The following ITPR1 variants were observed in gnomAD, a reference collection of about 807,000 sequenced individuals.
ITPR1 encodes inositol 1,4,5-trisphosphate receptor type 1, also known as inositol 1,4,5-trisphosphate-gated calcium channel ITPR1.
A neutral mutation model predicts 318.4 loss-of-function variants in ITPR1; 96 were observed. The observed-to-expected ratio is 0.30, with a 90% CI of 0.26 to 0.36. The LOEUF (loss-of-function observed/expected upper bound fraction) is 0.36. Ranked by LOEUF, ITPR1 falls within the 10% of genes least tolerant of loss-of-function variation. The probability of loss-of-function intolerance (pLI) is 1.00; values close to 1 mark genes in which losing one functional copy is unlikely to be tolerated. For missense variants in ITPR1, 2,440 were observed against 3,460.2 expected, an observed-to-expected ratio of 0.71 and a Z score of 7.40; for synonymous variants, 1,312 against 1,289.9, an observed-to-expected ratio of 1.02 and a Z score of -0.37.
chr3:4,836,250 C>CG (rs1271793151), intron 60 of ITPR1, among the ~76,000 whole-genome samples: 4 of 151,664 alleles, frequency 2.6e-5, no homozygotes, highest in Non-Finnish European at 4.4e-5. Context: ...TGCCCGGGGC[C>CG]GGCGGGAATG....
chr3:4,698,278 A>G (rs1341749567), intron 34 of ITPR1, among the ~76,000 whole-genome samples: 1 of 114,026 alleles, frequency 8.8e-6, no homozygotes, highest in African/African-American at 3.5e-5. Context: ...GCTTGACTGT[A>G]TGATTACTAG....
In ITPR1 at chr3:4,846,065, A is replaced by AATC. The variant is rs1011848877; in HGVS notation, c.8191-73_8191-71dup. 11 of 830,792 alleles carry AATC rather than the reference A, an allele frequency of 1.3e-5. No homozygotes were observed. The African/African-American group carries it at 1.9e-4, about 14-fold the overall frequency. 51.5% of individuals were successfully genotyped at this position (830,792 alleles called of 1,614,324 possible). A position where few individuals can be genotyped will look rare whatever the true frequency, so the allele number is the denominator to read the frequency against. On this transcript the variant is annotated intron_variant, in intron 61 of 61. Coordinates refer to ENST00000649015, the MANE Select transcript of ITPR1 (RefSeq NM_001378452.1). ...AGTATAAACCATAACCACAGAGGTA[A>AATC]ATCTATGGTTCAGTATGCGATTTGA... is the stretch of plus-strand genomic sequence containing the variant.
chr3:4,501,908 C>A (rs2081051102), intron 2 of ITPR1, among the ~76,000 whole-genome samples: 2 of 152,154 alleles, frequency 1.3e-5, no homozygotes, highest in Admixed American at 1.3e-4. Flanking sequence ...GTCCCATCAG[C>A]AGAACTTCTG....
At chr3:4,496,448 G>A (rs922509288) in intron 2 of ITPR1, among the ~76,000 whole-genome samples, 2 of 152,184 alleles carry the variant, frequency 1.3e-5, no homozygotes, top group African/African-American at 4.8e-5. Flanking sequence ...CATGTTCTAA[G>A]TGAATTACTC....
chr3:4,503,379 G>C (rs2081170729), intron 2 of ITPR1, among the ~76,000 whole-genome samples: 2 of 152,112 alleles, frequency 1.3e-5, no homozygotes, highest in African/African-American at 4.8e-5. Context: ...GAACATCTGT[G>C]CATCTGTTTC....
intron 46 of ITPR1, among the ~76,000 whole-genome samples, chr3:4,774,068 A>G (rs1169642607): frequency 6.6e-6 from 1 of 152,180 alleles, no homozygotes; most frequent in Admixed American, 6.5e-5. Context: ...TCCATAGAGA[A>G]TTGGTTGTTG....
chr3:4,740,650 C>T (rs2043633291), intron 44 of ITPR1, among the ~76,000 whole-genome samples: 1 of 152,172 alleles, frequency 6.6e-6, no homozygotes, highest in Non-Finnish European at 1.5e-5. Context: ...CCCCAGGTCT[C>T]CCAGCATCTT....
At chr3:4,693,281 G>T (rs1368022572) in intron 32 of ITPR1, among the ~76,000 whole-genome samples, 1 of 152,224 alleles carries the variant, frequency 6.6e-6, no homozygotes, top group Non-Finnish European at 1.5e-5. Flanking sequence ...TCTAGGGCCA[G>T]TGTGGTATTT....
chr3:4,657,389 T>TTG (rs1169290995), intron 12 of ITPR1, among the ~76,000 whole-genome samples: 1 of 151,330 alleles, frequency 6.6e-6, no homozygotes, highest in Admixed American at 6.6e-5. Flanking sequence ...ACCTAGAGTT[T>TTG]TTTTTTTGTT....
chr3:4,788,004 G>A lies in ITPR1; in HGVS notation c.6673G>A (p.Glu2225Lys). The A allele has an allele frequency of 6.2e-7, 1 of 1,612,908 alleles. No individual in the cohort carries two copies. Among genetic ancestry groups the A allele is most frequent in the East Asian group, 2.2e-5 (1 of 44,872 alleles). Residue 2225 changes from glutamate (E) to lysine (K), a missense_variant, in exon 52 of 62, where the codon GAA (glutamate) becomes AAA (lysine). Glu to Lys is a moderately conservative substitution (Grantham distance 56). This residue lies in a region of ITPR1 where 115 missense variants were observed against 204.5 expected (regional missense o/e 0.56). Transcript: ENST00000649015. ...QIVFPVPSIC[E>K]FLTKESKLRI... The stretch of plus-strand genomic sequence containing the variant: ...AGTCTTTCCCGTGCCCAGCATATGT[G>A]AATTCCTAACCAAGGAGTCAAAACT...
intron 51 of ITPR1, among the ~76,000 whole-genome samples, chr3:4,784,758 G>T (rs968293545): frequency 1.3e-5 from 2 of 151,114 alleles, no homozygotes; most frequent in Non-Finnish European, 2.9e-5. Flanking sequence ...TTAGCCAGGC[G>T]TGGTGGCACA....
intron 50 of ITPR1, 125 bp downstream of exon 50, chr3:4,782,866 G>T: frequency 1.1e-6 from 1 of 896,274 alleles, no homozygotes; most frequent in South Asian, 4.4e-5. Flanking sequence ...GTACTCATGA[G>T]CCTGCGGCTC....
At chr3:4,617,799 C>A in intron 4 of ITPR1, among the ~76,000 whole-genome samples, 1 of 148,568 alleles carries the variant, frequency 6.7e-6, no homozygotes, top group African/African-American at 2.5e-5. Context: ...GCCTGGGCAA[C>A]ATGGCGAAAC....
chr3:4,784,314 A>C (rs1408033825), intron 51 of ITPR1, among the ~76,000 whole-genome samples: 1 of 152,178 alleles, frequency 6.6e-6, no homozygotes, highest in Non-Finnish European at 1.5e-5. Context: ...CTTTTCAGAC[A>C]TGGGGAATAA....
At position 4,712,301 on chromosome 3, in the gene ITPR1, CTAACTGCAAT is replaced by C. The variant is rs557912719; in HGVS notation, c.5103+437_5103+446del. On this transcript the variant is annotated intron_variant, in intron 39 of 61. Coordinates refer to ENST00000649015, the MANE Select transcript of ITPR1 (RefSeq NM_001378452.1). The stretch of plus-strand genomic sequence containing the variant: ...GTGCATCAAGAAACGCCCTCCACTT[CTAACTGCAAT>C]TAAGGCAGGCATACACGTCACCACT... Among the ~76,000 whole-genome samples the C allele has an allele frequency of 5.8e-4, 89 of 152,358 alleles. 1 individual carries two copies. Among genetic ancestry groups the C allele is most frequent in the African/African-American group, 2.0e-3 (84 of 41,584 alleles).
At chr3:4,575,060 T>C (rs748501483) in intron 4 of ITPR1, among the ~76,000 whole-genome samples, 2 of 152,376 alleles carry the variant, frequency 1.3e-5, no homozygotes, top group African/African-American at 2.4e-5. Flanking sequence ...TCTCTACTTA[T>C]GATTTCTGTA....
intron 4 of ITPR1, among the ~76,000 whole-genome samples, chr3:4,537,394 A>G (rs2083971982): frequency 6.6e-6 from 1 of 152,166 alleles, no homozygotes; most frequent in African/African-American, 2.4e-5. Flanking sequence ...AAGTTTTCAA[A>G]TCTATAGTCT....
chr3:4,654,227 T>A (rs919751533), intron 12 of ITPR1, among the ~76,000 whole-genome samples: 1 of 152,204 alleles, frequency 6.6e-6, no homozygotes, highest in Non-Finnish European at 1.5e-5. Context: ...CCAATTGCCT[T>A]ATTGCTGTTG....
chr3:4,785,622 T>C (rs2047145287), intron 51 of ITPR1, among the ~76,000 whole-genome samples: 1 of 152,210 alleles, frequency 6.6e-6, no homozygotes, highest in African/African-American at 2.4e-5. Context: ...AGCTCTGTCC[T>C]CTAGAGCCCT....
Sources: allele counts gnomAD v4.1 joint callset (sites outside exome capture counted in the v4.1 genomes callset), GRCh38; gene constraint gnomAD v4.1.1; regional missense constraint gnomAD v4.1.1; transcripts MANE v1.5; gene names NCBI Gene and HGNC (gene_info 2026-07-23, HGNC 2026-07-21).